MYO1B: variants seen among roughly 807,000 people sequenced by gnomAD.
The protein encoded by MYO1B is myosin IB.
Under a neutral mutation model 159.7 loss-of-function variants are expected in MYO1B, and 72 were observed. The ratio of observed to expected loss-of-function variants is 0.45; its 90% CI spans 0.37 to 0.55. The LOEUF (loss-of-function observed/expected upper bound fraction) is 0.55. Among genes scored for constraint, MYO1B ranks in the 20% least tolerant of loss-of-function variants. The pLI is 0.00. For synonymous variants in MYO1B, 468 were observed against 473.8 expected (o/e 0.99, Z 0.16); for missense variants, 1,062 against 1,364.8 (o/e 0.78, Z 3.50).
chr2:191,414,570 A>G lies in MYO1B; in HGVS notation c.3060A>G (p.Gln1020=). The G allele has an allele frequency of 6.2e-7, 1 of 1,613,476 alleles. No homozygotes were observed. Residue 1020 remains glutamine (Q), a synonymous_variant, in exon 29 of 31, where the codon CAA becomes CAG. Coordinates refer to ENST00000392318, the MANE Select transcript of MYO1B (RefSeq NM_001130158.3). The part of the protein sequence containing the change: ...LTNNNLLLAD[Q]KSGQIKSEVP... ...ACAATAATCTCCTTCTTGCTGACCA[A>G]AAGTCTGGACAAATCAAGTCAGAGG...
At chr2:191,296,849 C>T (rs1239350607) in intron 3 of MYO1B, among the ~76,000 whole-genome samples, 1 of 152,140 alleles carries the variant, frequency 6.6e-6, no homozygotes, top group Non-Finnish European at 1.5e-5. Flanking sequence ...AATGATTTGG[C>T]CACTTTATAC....
chr2:191,270,883 C>G (rs1687415210), intron 1 of MYO1B, among the ~76,000 whole-genome samples: 1 of 152,206 alleles, frequency 6.6e-6, no homozygotes, highest in African/African-American at 2.4e-5. Flanking sequence ...AGGAATGGAT[C>G]AAAGTGGCTT....
At chr2:191,333,808 C>T (rs1488573373) in intron 4 of MYO1B, among the ~76,000 whole-genome samples, 1 of 152,180 alleles carries the variant, frequency 6.6e-6, no homozygotes, top group Non-Finnish European at 1.5e-5. Context: ...ATGTCACTAA[C>T]CAGTTCTTTC....
chr2:191,300,033 T>A (rs557075138), intron 3 of MYO1B, among the ~76,000 whole-genome samples: 26 of 152,310 alleles, frequency 1.7e-4, no homozygotes, highest in African/African-American at 6.3e-4. Flanking sequence ...GCATGGTGGG[T>A]CATTTTCCAC....
chr2:191,304,400 G>C (rs1262963949), intron 3 of MYO1B, among the ~76,000 whole-genome samples: 1 of 152,146 alleles, frequency 6.6e-6, no homozygotes, highest in African/African-American at 2.4e-5. Flanking sequence ...GAGAAACCCT[G>C]TCTCTAATAA....
intron 3 of MYO1B, among the ~76,000 whole-genome samples, chr2:191,300,639 C>CTTTTTTTGTTTTTTTTT (rs1689267352): frequency 1.5e-5 from 1 of 66,912 alleles, no homozygotes; most frequent in Non-Finnish European, 2.5e-5. Context: ...TGTGCGCAGC[C>CTTTTTTTGTTTTTTTTT]TTTTTTTTTT....
At chr2:191,274,918 T>A (rs544392729) in intron 1 of MYO1B, among the ~76,000 whole-genome samples, 58 of 152,154 alleles carry the variant, frequency 3.8e-4, no homozygotes, top group South Asian at 3.1e-3. Context: ...TTTCTTTTCT[T>A]TTTTTTTGAG....
At chr2:191,367,739 A>T (rs1227849142) in intron 11 of MYO1B, among the ~76,000 whole-genome samples, 1 of 152,186 alleles carries the variant, frequency 6.6e-6, no homozygotes, top group Non-Finnish European at 1.5e-5. Context: ...GTGTTTTGAG[A>T]TAACTTGAAT....
At chr2:191,334,869 C>T (rs756047912) in intron 4 of MYO1B, among the ~76,000 whole-genome samples, 1 of 152,140 alleles carries the variant, frequency 6.6e-6, no homozygotes, top group African/African-American at 2.4e-5. Context: ...AGCATTTAAA[C>T]CTTAATTTTT....
At chr2:191,354,441 C>T (rs1179297082) in intron 7 of MYO1B, among the ~76,000 whole-genome samples, 1 of 151,842 alleles carries the variant, frequency 6.6e-6, no homozygotes, top group East Asian at 1.9e-4. Context: ...TTTAAAAATA[C>T]TTCTAAATGA....
At chr2:191,262,748 C>T (rs1686899613) in intron 1 of MYO1B, among the ~76,000 whole-genome samples, 1 of 152,154 alleles carries the variant, frequency 6.6e-6, no homozygotes, top group Admixed American at 6.5e-5. Context: ...TCCTCTGCTA[C>T]CATTCTGCCA....
intron 3 of MYO1B, among the ~76,000 whole-genome samples, chr2:191,309,449 C>G (rs1265862609): frequency 2.0e-5 from 3 of 152,148 alleles, no homozygotes; most frequent in Non-Finnish European, 4.4e-5. Context: ...CGCCAACTTT[C>G]TTATCTTCAT....
At chr2:191,364,640 A>G (rs1305735913) in intron 11 of MYO1B, among the ~76,000 whole-genome samples, 3 of 152,358 alleles carry the variant, frequency 2.0e-5, no homozygotes, top group South Asian at 4.1e-4. Flanking sequence ...GAACAGTGGC[A>G]TGACTGCCTT....
chr2:191,416,295 T>G, intron 30 of MYO1B, 53 bp downstream of exon 30: 8 of 1,605,034 alleles, frequency 5.0e-6, no homozygotes, highest in Non-Finnish European at 6.8e-6. Context: ...TTTTTTGTTT[T>G]AGTTCAGCTC....
chr2:191,324,338 T>C (rs1248256907), intron 3 of MYO1B, among the ~76,000 whole-genome samples: 1 of 152,136 alleles, frequency 6.6e-6, no homozygotes, highest in African/African-American at 2.4e-5. Context: ...TCCCTATTCT[T>C]GGCTTCTTTT....
intron 2 of MYO1B, among the ~76,000 whole-genome samples, chr2:191,288,060 A>G (rs1688483732): frequency 6.6e-6 from 1 of 152,010 alleles, no homozygotes; most frequent in Non-Finnish European, 1.5e-5. Flanking sequence ...TTAAGGCTGA[A>G]CAGTGTTCCA....
intron 3 of MYO1B, 106 bp downstream of exon 3, chr2:191,296,332 G>GA: frequency 4.9e-6 from 2 of 404,416 alleles, no homozygotes; most frequent in Non-Finnish European, 8.4e-6. Context: ...GTTTTTGTCA[G>GA]TTTTTTTTAA....
intron 1 of MYO1B, among the ~76,000 whole-genome samples, chr2:191,264,658 A>G (rs901598489): frequency 1.3e-5 from 2 of 151,948 alleles, no homozygotes; most frequent in Non-Finnish European, 2.9e-5. Context: ...CTCTTAATAT[A>G]TTTTATTTTG....
chr2:191,255,177 C>T (rs1686363204), intron 1 of MYO1B, among the ~76,000 whole-genome samples: 1 of 152,172 alleles, frequency 6.6e-6, no homozygotes, highest in Non-Finnish European at 1.5e-5. Context: ...GATCCTCCCT[C>T]CTCAGCCTCT....
Sources: gnomAD v4.1 joint callset for allele counts (sites outside exome capture counted in the v4.1 genomes callset) on GRCh38, gnomAD v4.1.1 for gene constraint, MANE v1.5 for transcripts, NCBI Gene and HGNC (gene_info 2026-07-23, HGNC 2026-07-21) for gene names.